The following CTNND2 variants were observed in gnomAD, a reference collection of about 807,000 sequenced individuals.
CTNND2 encodes catenin delta-2.
Under a neutral mutation model 144.4 loss-of-function variants are expected in CTNND2, and 22 were observed. That is an observed-to-expected ratio of 0.15 (90% confidence interval 0.11 to 0.22). The LOEUF is 0.22. Ranked by LOEUF, CTNND2 falls within the 10% of genes least tolerant of loss-of-function variation. The probability of loss-of-function intolerance (pLI) is 1.00; values close to 1 mark genes in which losing one functional copy is unlikely to be tolerated. For missense variants in CTNND2, 1,353 were observed against 1,618.8 expected (o/e 0.84, Z 2.82); for synonymous variants, 751 against 695.6 (o/e 1.08, Z -1.25).
chr5:11,125,158 C>T (rs1327608643), intron 12 of CTNND2, among the ~76,000 whole-genome samples: 4 of 152,160 alleles, frequency 2.6e-5, no homozygotes, highest in Non-Finnish European at 4.4e-5. Flanking sequence ...GGGGTGTCTT[C>T]GCCCAGCCAC....
Position 11,384,635 on chromosome 5 carries a change from G to A in CTNND2, c.1177+30C>T. On this transcript the variant is annotated intron_variant, in intron 7 of 21. Coordinates refer to ENST00000304623, the MANE Select transcript of CTNND2 (RefSeq NM_001332.4). The surrounding 1 kb of genome is among the most constrained non-coding windows in gnomAD (Gnocchi z 5.2). ...CCGCGTCCCCGCCACGCGCCCAGGT[G>A]AGTCGCGCCAGGTGGCAGCGAGCCT... 6.3e-7 allele frequency: 1 copy of A among 1,578,086 alleles called. No homozygotes were observed.
At chr5:11,210,416 T>C (rs1471861440) in intron 10 of CTNND2, among the ~76,000 whole-genome samples, 1 of 151,990 alleles carries the variant, frequency 6.6e-6, no homozygotes, top group Non-Finnish European at 1.5e-5. Flanking sequence ...TAAATAAAAA[T>C]AAAATAAACA....
intron 1 of CTNND2, among the ~76,000 whole-genome samples, chr5:11,774,161 T>C (rs1407000711): frequency 1.3e-5 from 2 of 151,904 alleles, no homozygotes; most frequent in East Asian, 1.9e-4. Context: ...GAAAAACTCA[T>C]TGAGATATAT....
chr5:11,430,719 CCAA>C (rs1408690254), intron 3 of CTNND2, among the ~76,000 whole-genome samples: 1 of 152,214 alleles, frequency 6.6e-6, no homozygotes, highest in Non-Finnish European at 1.5e-5. Flanking sequence ...ATCACCACCA[CCAA>C]CATTATTCCT....
chr5:11,246,520 G>T (rs1743022769), intron 9 of CTNND2, among the ~76,000 whole-genome samples: 1 of 151,994 alleles, frequency 6.6e-6, no homozygotes, highest in Non-Finnish European at 1.5e-5. Context: ...GAGAAGAGGG[G>T]CAGGACTCTC....
intron 9 of CTNND2, among the ~76,000 whole-genome samples, chr5:11,258,315 G>T (rs1001966700): frequency 6.6e-6 from 1 of 152,138 alleles, no homozygotes; most frequent in Non-Finnish European, 1.5e-5. Context: ...GGCTGGATGG[G>T]CCCCTGCTCT....
chr5:11,535,096 G>A (rs149144621), intron 3 of CTNND2, among the ~76,000 whole-genome samples: 1,895 of 151,788 alleles, frequency 0.012, 14 homozygotes, highest in Non-Finnish European at 0.018. Context: ...GTTGAGGCAG[G>A]AGAATGGCTT....
rs150798783 is a variant in CTNND2, at chr5:11,562,855, T to C, written c.287+2089A>G. Among the ~76,000 whole-genome samples the C allele has an allele frequency of 2.0e-3, 310 of 152,326 alleles. 2 individuals carry two copies. Among genetic ancestry groups the C allele is most frequent in the African/African-American group, 6.9e-3 (288 of 41,566 alleles). On this transcript the variant is annotated intron_variant, in intron 3 of 21. Transcript: ENST00000304623. ...CAGGTTTTAAGAAGGTATCAGGTAA[T>C]GTCATGAATGCAACATACATGAAAC...
At chr5:11,852,410 T>C (rs757658273) in intron 1 of CTNND2, among the ~76,000 whole-genome samples, 9 of 152,194 alleles carry the variant, frequency 5.9e-5, no homozygotes, top group African/African-American at 9.7e-5. Context: ...GATGGTCTAA[T>C]GGCAGTAAGG....
intron 3 of CTNND2, among the ~76,000 whole-genome samples, chr5:11,534,227 C>T (rs1415820788): frequency 6.6e-6 from 1 of 152,082 alleles, no homozygotes; most frequent in Non-Finnish European, 1.5e-5. Context: ...CTGCTGACTC[C>T]CACAGTTACA....
chr5:11,591,645 T>C (rs1244102270), intron 2 of CTNND2, among the ~76,000 whole-genome samples: 1 of 152,160 alleles, frequency 6.6e-6, no homozygotes, highest in Admixed American at 6.5e-5. Flanking sequence ...TTTTTGCTCA[T>C]AATTTTAAAC....
chr5:11,359,787 C>T (rs989908795), intron 8 of CTNND2, among the ~76,000 whole-genome samples: 3 of 152,162 alleles, frequency 2.0e-5, no homozygotes, highest in Admixed American at 1.3e-4. Flanking sequence ...GGCTGGCAGA[C>T]GTAGGTCTGG....
chr5:11,607,622 T>G (rs1780115418), intron 2 of CTNND2, among the ~76,000 whole-genome samples: 1 of 152,172 alleles, frequency 6.6e-6, no homozygotes, highest in Non-Finnish European at 1.5e-5. Flanking sequence ...AATCCTCCAT[T>G]CAAAATTATG....
At chr5:11,519,839 T>C (rs1396035391) in intron 3 of CTNND2, among the ~76,000 whole-genome samples, 1 of 152,020 alleles carries the variant, frequency 6.6e-6, no homozygotes, top group Admixed American at 6.6e-5. Flanking sequence ...GGAGTGACTG[T>C]TGAAAATATC....
At chr5:11,082,366 A>G (rs993348855) in intron 16 of CTNND2, among the ~76,000 whole-genome samples, 1 of 152,220 alleles carries the variant, frequency 6.6e-6, no homozygotes, top group Non-Finnish European at 1.5e-5. Context: ...TAATCCTATC[A>G]GAATTCCTCA....
rs758964843 is a variant in CTNND2 at position 11,363,099 on chromosome 5, C to T, written c.1372+1597G>A. 4.6e-5 allele frequency among the ~76,000 whole-genome samples: 7 copies of T among 152,332 alleles called. 1 individual carries two copies. Among genetic ancestry groups the T allele is most frequent in the Admixed American group, 2.6e-4 (4 of 15,300 alleles). On this transcript the variant is annotated intron_variant, in intron 8 of 21. Transcript: ENST00000304623. ...CATCATTCTTAGCTCATGGGCACTACTAAAGTAGATTGGTGAGCTACAAAT... is the reference window on the plus strand; with the variant it reads ...CATCATTCTTAGCTCATGGGCACTATTAAAGTAGATTGGTGAGCTACAAAT...
chr5:11,080,390 G>A (rs1189429028), intron 16 of CTNND2, among the ~76,000 whole-genome samples: 1 of 152,160 alleles, frequency 6.6e-6, no homozygotes, highest in Non-Finnish European at 1.5e-5. Flanking sequence ...AGCCACTACT[G>A]TACTGATTAG....
At chr5:11,863,660 C>A (rs1795606063) in intron 1 of CTNND2, among the ~76,000 whole-genome samples, 2 of 152,202 alleles carry the variant, frequency 1.3e-5, no homozygotes, top group Non-Finnish European at 2.9e-5. Context: ...TCATGTGCTA[C>A]AGTCAGCATA....
intron 9 of CTNND2, among the ~76,000 whole-genome samples, chr5:11,286,343 T>C (rs769883469): frequency 3.3e-5 from 5 of 152,240 alleles, no homozygotes; most frequent in South Asian, 4.1e-4. Context: ...TTTTCACTTA[T>C]GAACAAATCC....
Sources: allele counts gnomAD v4.1 joint callset (sites outside exome capture counted in the v4.1 genomes callset), GRCh38; gene constraint gnomAD v4.1.1; non-coding constraint Gnocchi (gnomAD v3.1); transcripts MANE v1.5; gene names NCBI Gene and HGNC (gene_info 2026-07-23, HGNC 2026-07-21).